The following VAC14 variants were observed in gnomAD, a reference collection of about 807,000 sequenced individuals.
VAC14 encodes the protein protein VAC14 homolog.
Under a neutral mutation model 85.3 loss-of-function variants are expected in VAC14, and 47 were observed. The ratio of observed to expected loss-of-function variants is 0.55; its 90% CI spans 0.44 to 0.70. VAC14 has a LOEUF of 0.70. Among genes scored for constraint, VAC14 ranks in the 30% least tolerant of loss-of-function variants. VAC14 has a pLI of 0.00. For missense variants in VAC14, 861 were observed against 1,004.3 expected (o/e 0.86, Z 1.93); for synonymous variants, 447 against 430.5 (o/e 1.04, Z -0.47).
intron 9 of VAC14, among the ~76,000 whole-genome samples, chr16:70,774,583 C>G (rs868120953): frequency 5.3e-5 from 8 of 152,142 alleles, no homozygotes; most frequent in South Asian, 2.1e-4. Flanking sequence ...AAACATGTCC[C>G]CAGTGATTGA....
At chr16:70,727,320 C>T (rs2054457990) in intron 14 of VAC14, among the ~76,000 whole-genome samples, 1 of 152,152 alleles carries the variant, frequency 6.6e-6, no homozygotes, top group Admixed American at 6.6e-5. Flanking sequence ...ATCGCGATGC[C>T]TCTCTTTATT....
Position 70,706,743 on chromosome 16 carries a change from C to T in VAC14, c.1662-7932G>A, listed in dbSNP as rs149992396. On this transcript the variant is annotated intron_variant, in intron 14 of 18. Transcript: ENST00000261776. ...CTGACCTCAAGTGATCCACCCGCCT[C>T]GGCCTCCCTAAGTGCTGGGATTACA... Among the ~76,000 whole-genome samples the T allele has an allele frequency of 3.6e-4, 55 of 152,314 alleles. 1 individual carries two copies. Among genetic ancestry groups the T allele is most frequent in the African/African-American group, 1.2e-3 (49 of 41,566 alleles).
intron 2 of VAC14, 111 bp downstream of exon 2, chr16:70,786,104 A>G: frequency 2.0e-6 from 3 of 1,503,498 alleles, no homozygotes; most frequent in Non-Finnish European, 2.7e-6. Flanking sequence ...GAGTGGTAAT[A>G]AAACATAGGT....
chr16:70,786,386 G>T, intron 1 of VAC14, 21 bp from the exon 2 acceptor site: 3 of 1,609,526 alleles, frequency 1.9e-6, no homozygotes, highest in Non-Finnish European at 2.6e-6. Flanking sequence ...AGGAGAGAGG[G>T]GCTGTGGGAA....
chr16:70,695,693 T>C (rs2053692210), intron 16 of VAC14, 70 bp from the exon 17 acceptor site: 4 of 1,452,790 alleles, frequency 2.8e-6, no homozygotes, highest in African/African-American at 1.4e-5. Context: ...CCACACGCCC[T>C]CCCCCCCTGC....
At chr16:70,741,759 G>A in intron 13 of VAC14, among the ~76,000 whole-genome samples, 1 of 152,222 alleles carries the variant, frequency 6.6e-6, no homozygotes, top group East Asian at 1.9e-4. Context: ...TGGCTGATGT[G>A]AGCTAATCTG....
rs746874180 is a variant in VAC14 at position 70,731,638 on chromosome 16, A to T, written c.1529-11T>A. ...CTAAGCCTTTGGTACCTGTAGAGAA[A>T]GGGATAGAGCCAGCATTTATTCTGA... On this transcript the variant is annotated splice_polypyrimidine_tract_variant and intron_variant, in intron 13 of 18. Coordinates refer to ENST00000261776, the MANE Select transcript of VAC14 (RefSeq NM_018052.5). The T allele has an allele frequency of 6.2e-7, 1 of 1,613,548 alleles. No homozygotes were observed. Among genetic ancestry groups the T allele is most frequent in the South Asian group, 1.1e-5 (1 of 91,062 alleles).
chr16:70,775,840 C>G (rs2033488547), intron 9 of VAC14, among the ~76,000 whole-genome samples: 1 of 152,246 alleles, frequency 6.6e-6, no homozygotes. Flanking sequence ...GATTTTCACT[C>G]TTACATCTCT....
chr16:70,720,227 G>A (rs1183880849), intron 14 of VAC14, among the ~76,000 whole-genome samples: 1 of 152,198 alleles, frequency 6.6e-6, no homozygotes, highest in African/African-American at 2.4e-5. Flanking sequence ...TCTGGTGCTG[G>A]AAATGTTCTA....
At chr16:70,780,499 G>A (rs1345011250) in intron 9 of VAC14, among the ~76,000 whole-genome samples, 7 of 152,320 alleles carry the variant, frequency 4.6e-5, no homozygotes, top group Admixed American at 3.9e-4. Flanking sequence ...TGGTCTTTGA[G>A]GCAGGAAGGG....
intron 12 of VAC14, among the ~76,000 whole-genome samples, chr16:70,751,503 C>T (rs531050349): frequency 6.6e-6 from 1 of 152,222 alleles, no homozygotes; most frequent in Non-Finnish European, 1.5e-5. Context: ...GTACACAGGC[C>T]CCGAGGGCAG....
At chr16:70,798,544 T>C (rs573937803) in intron 1 of VAC14, among the ~76,000 whole-genome samples, 80 of 152,354 alleles carry the variant, frequency 5.3e-4, no homozygotes, top group African/African-American at 1.7e-3. Context: ...AAGCAATTTG[T>C]GAAGCATATG....
At chr16:70,781,106 C>T (rs985040632) in intron 8 of VAC14, among the ~76,000 whole-genome samples, 167 bp from the exon 9 acceptor site, 1 of 152,106 alleles carries the variant, frequency 6.6e-6, no homozygotes, top group African/African-American at 2.4e-5. Context: ...TGGTACTGAG[C>T]GAGTTGAGTG....
In VAC14 at chr16:70,801,045, C is replaced by T. The variant is rs927061337; in HGVS notation, c.-145G>A. 13 of 523,880 alleles carry T rather than the reference C, an allele frequency of 2.5e-5. No homozygotes were observed. The highest frequency in any genetic ancestry group is 1.4e-4 in the African/African-American group (7 of 49,298). The allele number at this position is 523,880 out of a possible 1,614,324, so 32.5% of individuals were successfully genotyped here. ...AGGCTTGCCTGCCACGCTCCGCCGC[C>T]TCGCCCTGGAACCCGGGCCCGGACC... On this transcript the variant is annotated 5_prime_UTR_variant, in exon 1 of 19. Transcript: ENST00000261776.
At chr16:70,711,606 C>T (rs2054035989) in intron 14 of VAC14, among the ~76,000 whole-genome samples, 1 of 152,172 alleles carries the variant, frequency 6.6e-6, no homozygotes, top group Non-Finnish European at 1.5e-5. Context: ...GGCCTCCTGA[C>T]AGCCATGTGG....
At chr16:70,691,952 T>C in intron 18 of VAC14, 1 of 985,190 alleles carries the variant, frequency 1.0e-6, no homozygotes, top group East Asian at 1.1e-4. Flanking sequence ...TCTAACAGCC[T>C]GGGAGGGAAT....
intron 17 of VAC14, among the ~76,000 whole-genome samples, chr16:70,695,008 T>A (rs2053676790): frequency 6.6e-6 from 1 of 152,162 alleles, no homozygotes. Context: ...CGCTGGCTCA[T>A]GTCCAGGAGA....
chr16:70,786,323 G>C lies in VAC14; in HGVS notation c.147C>G (p.Ile49Met), dbSNP rs1321427276. The stretch of plus-strand genomic sequence containing the variant: ...GGGACAGGGTCTGGATCACATGCTT[G>C]ATTTGCACGGTATTGTTCTGGGCCA... ...EFVAQNNTVQ[I>M]KHVIQTLSQE... is the part of the protein sequence containing the mutation. The change falls in exon 2 of 19, where the codon ATC (isoleucine) becomes ATG (methionine). Residue 49 changes from isoleucine (I) to methionine (M), a missense_variant. Ile to Met is a conservative substitution (Grantham distance 10). Transcript: ENST00000261776. 1.9e-6 allele frequency: 3 copies of C among 1,614,220 alleles called. No individual in the cohort carries two copies. The highest frequency in any genetic ancestry group is 2.5e-6 in the Non-Finnish European group (3 of 1,180,036).
At chr16:70,772,490 CTTA>C (rs2033291637) in intron 9 of VAC14, 1 of 276,534 alleles carries the variant, frequency 3.6e-6, no homozygotes, top group Non-Finnish European at 6.9e-6. Flanking sequence ...ACCCAGCATC[CTTA>C]GCTATCAGGA....
Sources: gnomAD v4.1 joint callset for allele counts (sites outside exome capture counted in the v4.1 genomes callset) on GRCh38, gnomAD v4.1.1 for gene constraint, MANE v1.5 for transcripts, NCBI Gene and HGNC (gene_info 2026-07-23, HGNC 2026-07-21) for gene names.